Variants in FANCC observed in about 807,000 individuals in gnomAD.
The protein encoded by FANCC is FA complementation group C.
FANCC carries 55 observed loss-of-function variants against 71.3 expected under a neutral mutation model. That is an observed-to-expected ratio of 0.77 (90% CI 0.62 to 0.97). The LOEUF is 0.97. FANCC is among the 50% of genes least tolerant of loss of function. The probability of loss-of-function intolerance (pLI) is 0.00; values close to 1 mark genes in which losing one functional copy is unlikely to be tolerated. For missense variants in FANCC, 678 were observed against 670.9 expected (o/e 1.01, Z -0.12); for synonymous variants, 275 against 244.9 (o/e 1.12, Z -1.15).
At chr9:95,170,375 C>T (rs1825585498) in intron 6 of FANCC, among the ~76,000 whole-genome samples, 1 of 146,790 alleles carries the variant, frequency 6.8e-6, no homozygotes, top group African/African-American at 2.5e-5. Context: ...TCTGATAGAG[C>T]TTGAATTAGC....
intron 4 of FANCC, among the ~76,000 whole-genome samples, chr9:95,232,199 G>C (rs1322182889): frequency 6.6e-6 from 1 of 152,152 alleles, no homozygotes; most frequent in East Asian, 1.9e-4. Flanking sequence ...GACCTCGCAA[G>C]AACTAGTAGT....
At chr9:95,170,379 A>C (rs1462204154) in intron 6 of FANCC, among the ~76,000 whole-genome samples, 1 of 150,604 alleles carries the variant, frequency 6.6e-6, no homozygotes, top group South Asian at 2.1e-4. Flanking sequence ...ATAGAGCTTG[A>C]ATTAGCAATA....
chr9:95,176,054 A>T (rs1452300706), intron 4 of FANCC, among the ~76,000 whole-genome samples: 2 of 152,176 alleles, frequency 1.3e-5, no homozygotes, highest in African/African-American at 2.4e-5. Flanking sequence ...CATTTAAAGC[A>T]TTTACTACAC....
chr9:95,149,297 G>C lies in FANCC; in HGVS notation c.686+626C>G, dbSNP rs80012246. On this transcript the variant is annotated intron_variant, in intron 7 of 14. Coordinates refer to ENST00000289081, the MANE Select transcript of FANCC (RefSeq NM_000136.3). ...AGTCGCTGGGGCCTACCTGAGCAAC[G>C]GTAGGAGGGAGAGGAGCAGAAAAGG... Among the ~76,000 whole-genome samples, 695 of 152,166 alleles carry C rather than the reference G, an allele frequency of 4.6e-3. 4 individuals carry two copies. Among genetic ancestry groups the C allele is most frequent in the African/African-American group, 0.016 (674 of 41,508 alleles).
intron 4 of FANCC, among the ~76,000 whole-genome samples, chr9:95,219,784 C>T (rs970842563): frequency 6.6e-6 from 1 of 152,134 alleles, no homozygotes; most frequent in Non-Finnish European, 1.5e-5. Flanking sequence ...CCTAGGCGTA[C>T]CATTCAGGAT....
Position 95,249,174 on chromosome 9 carries a change from G to A in FANCC, c.118C>T (p.Gln40Ter). The change falls in exon 2 of 15, where the codon CAG (glutamine) becomes TAG (stop). Residue 40 changes from glutamine to a stop codon, truncating the protein, a stop_gained. Transcript: ENST00000289081. LOFTEE classifies it high-confidence loss of function. ...TQQDTCLHVAQFQEFLRKMYE... is the reference protein window; with the variant it reads ...TQQDTCLHVA The stretch of plus-strand genomic sequence containing the variant: ...ATCTTCCTTAGGAACTCCTGGAACT[G>A]AGCCACGTGAAGACAGGTGTCTTGC... The A allele has an allele frequency of 1.2e-6, 2 of 1,614,084 alleles. No individual in the cohort carries two copies. The highest frequency in any genetic ancestry group is 2.2e-5 in the South Asian group (2 of 91,078).
chr9:95,147,522 A>C (rs1829726178), intron 7 of FANCC, among the ~76,000 whole-genome samples: 1 of 152,196 alleles, frequency 6.6e-6, no homozygotes, highest in South Asian at 2.1e-4. Context: ...GTCTCAAAAA[A>C]GAAAAGAAAA....
chr9:95,154,536 C>T (rs1479877104), intron 6 of FANCC, among the ~76,000 whole-genome samples: 1 of 152,276 alleles, frequency 6.6e-6, no homozygotes, highest in South Asian at 2.1e-4. Context: ...ACTGTACCTA[C>T]ATTATCTGCA....
intron 1 of FANCC, chr9:95,292,869 G>A (rs1390939012): frequency 6.3e-6 from 10 of 1,584,796 alleles, no homozygotes; most frequent in Non-Finnish European, 8.7e-6. Context: ...TACAGAATGG[G>A]ACCTGAAAAG....
chr9:95,312,884 G>A (rs1835494095), intron 1 of FANCC, among the ~76,000 whole-genome samples: 1 of 152,232 alleles, frequency 6.6e-6, no homozygotes, highest in Non-Finnish European at 1.5e-5. Flanking sequence ...CTCTGTGGGT[G>A]CTGTACCAGT....
At chr9:95,162,140 C>T (rs546160831) in intron 6 of FANCC, among the ~76,000 whole-genome samples, 1 of 152,306 alleles carries the variant, frequency 6.6e-6, no homozygotes, top group Non-Finnish European at 1.5e-5. Flanking sequence ...CTGCACCTGC[C>T]CTTAGCTTCT....
intron 1 of FANCC, among the ~76,000 whole-genome samples, chr9:95,263,502 G>GTATATATATATATATC (rs1459625482): frequency 6.9e-6 from 1 of 145,574 alleles, no homozygotes; most frequent in African/African-American, 2.5e-5. Flanking sequence ...GTATGTATGT[G>GTATATATATATATATC]TATATATATA....
intron 1 of FANCC, among the ~76,000 whole-genome samples, chr9:95,289,526 T>G (rs1310866508): frequency 1.3e-5 from 2 of 152,230 alleles, no homozygotes; most frequent in Admixed American, 1.3e-4. Flanking sequence ...AGGCTTATGA[T>G]TGAGCTAAAA....
chr9:95,144,891 CA>C (rs1488934573), intron 7 of FANCC, among the ~76,000 whole-genome samples: 2 of 152,142 alleles, frequency 1.3e-5, no homozygotes, highest in Non-Finnish European at 2.9e-5. Context: ...CAGTATCTCA[CA>C]TAAGGACCAA....
chr9:95,170,411 AT>A lies in FANCC; in HGVS notation c.521+667del, dbSNP rs201638311. ...AATAGCTTTACAAAAAAAAAAAAAA[AT>A]CACCAAGTCCCTCAGTCCCAGATTC... On this transcript the variant is annotated intron_variant, in intron 6 of 14. Coordinates refer to ENST00000289081, the MANE Select transcript of FANCC (RefSeq NM_000136.3). Among the ~76,000 whole-genome samples, 366 of 151,856 alleles carry A rather than the reference AT, an allele frequency of 2.4e-3. 14 individuals carry two copies. In the East Asian group the frequency reaches 0.06, roughly 25 times the overall value.
chr9:95,294,877 G>A (rs1834276921), intron 1 of FANCC: 1 of 1,379,522 alleles, frequency 7.2e-7, no homozygotes, highest in African/African-American at 1.4e-5. Context: ...CTACGGACGG[G>A]GGACAACAGT....
intron 1 of FANCC, among the ~76,000 whole-genome samples, chr9:95,278,636 G>A (rs1455849572): frequency 6.6e-6 from 1 of 152,108 alleles, no homozygotes; most frequent in Admixed American, 6.5e-5. Flanking sequence ...GTGTCACTAA[G>A]CAATGATGTG....
intron 1 of FANCC, among the ~76,000 whole-genome samples, chr9:95,277,826 A>G (rs924134501): frequency 6.6e-6 from 1 of 152,184 alleles, no homozygotes; most frequent in African/African-American, 2.4e-5. Flanking sequence ...CTACCTTTCA[A>G]AAATGAAGGT....
chr9:95,239,823 CCAGT>C (rs1366797409), intron 4 of FANCC, among the ~76,000 whole-genome samples: 1 of 152,166 alleles, frequency 6.6e-6, no homozygotes, highest in African/African-American at 2.4e-5. Context: ...AACGATATCA[CCAGT>C]CAGACTGATA....
Sources: gnomAD v4.1 joint callset for allele counts (sites outside exome capture counted in the v4.1 genomes callset) on GRCh38, gnomAD v4.1.1 for gene constraint, MANE v1.5 for transcripts, NCBI Gene and HGNC (gene_info 2026-07-23, HGNC 2026-07-21) for gene names.